SCMH1: variants seen among roughly 807,000 people sequenced by gnomAD.
SCMH1 encodes the protein polycomb protein SCMH1.
In SCMH1, 37 loss-of-function variants were observed where a neutral mutation model predicts 70.8. The ratio of observed to expected loss-of-function variants is 0.52; its 90% CI spans 0.40 to 0.69. The LOEUF is 0.69. Among genes scored for constraint, SCMH1 ranks in the 30% least tolerant of loss-of-function variants. SCMH1 has a pLI of 0.00. For missense variants in SCMH1, 607 were observed against 827.3 expected (o/e 0.73, Z 3.27); for synonymous variants, 292 against 307.4 (o/e 0.95, Z 0.52).
At chr1:41,235,503 G>A (rs1387162000) in intron 1 of SCMH1, among the ~76,000 whole-genome samples, 1 of 147,272 alleles carries the variant, frequency 6.8e-6, no homozygotes, top group African/African-American at 2.5e-5. Flanking sequence ...CCCAGGAAGT[G>A]CAGGTTGCAG....
chr1:41,174,043 G>A (rs1052203630), intron 2 of SCMH1, among the ~76,000 whole-genome samples: 5 of 152,084 alleles, frequency 3.3e-5, no homozygotes, highest in Non-Finnish European at 5.9e-5. Flanking sequence ...TATAATTAAT[G>A]AGAACTTATT....
intron 6 of SCMH1, among the ~76,000 whole-genome samples, chr1:41,121,960 T>C (rs1672055857): frequency 6.6e-6 from 1 of 152,162 alleles, no homozygotes; most frequent in Non-Finnish European, 1.5e-5. Context: ...ACTTAATATA[T>C]GCTAGATCGA....
At chr1:41,077,537 T>G (rs962211476) in intron 8 of SCMH1, among the ~76,000 whole-genome samples, 1 of 152,194 alleles carries the variant, frequency 6.6e-6, no homozygotes, top group Non-Finnish European at 1.5e-5. Context: ...TGATCTCCTC[T>G]TAAAGATATT....
chr1:41,109,920 C>G (rs1284967438), intron 8 of SCMH1, among the ~76,000 whole-genome samples: 1 of 152,178 alleles, frequency 6.6e-6, no homozygotes, highest in African/African-American at 2.4e-5. Flanking sequence ...CAGTGAATTC[C>G]CTAGGCATGA....
intron 5 of SCMH1, among the ~76,000 whole-genome samples, chr1:41,149,859 A>G (rs1572627815): frequency 6.6e-6 from 1 of 152,328 alleles, no homozygotes; most frequent in South Asian, 2.1e-4. Context: ...GAATCCTTTC[A>G]GATAGTTTTT....
At chr1:41,184,340 G>A (rs575070696) in intron 2 of SCMH1, among the ~76,000 whole-genome samples, 2 of 152,184 alleles carry the variant, frequency 1.3e-5, no homozygotes, top group South Asian at 4.1e-4. Flanking sequence ...ATGCCATACA[G>A]GCAAAGAACT....
chr1:41,176,337 C>G (rs189912509), intron 2 of SCMH1, among the ~76,000 whole-genome samples: 1 of 152,102 alleles, frequency 6.6e-6, no homozygotes, highest in Non-Finnish European at 1.5e-5. Context: ...CACAGAAGAC[C>G]GGTGATTTCT....
At chr1:41,237,288 C>G (rs538380317) in intron 1 of SCMH1, among the ~76,000 whole-genome samples, 1 of 152,134 alleles carries the variant, frequency 6.6e-6, no homozygotes, top group East Asian at 1.9e-4. Flanking sequence ...CTTAACCTCA[C>G]GAAGCCTATC....
chr1:41,219,491 C>T (rs1658778019), intron 1 of SCMH1, among the ~76,000 whole-genome samples: 1 of 152,176 alleles, frequency 6.6e-6, no homozygotes, highest in Middle Eastern at 3.2e-3. Flanking sequence ...CTTGTAGAGT[C>T]TGACTCTAAC....
intron 2 of SCMH1, among the ~76,000 whole-genome samples, chr1:41,174,477 G>A (rs1190478906): frequency 5.9e-5 from 9 of 152,102 alleles, no homozygotes; most frequent in Non-Finnish European, 5.9e-5. Flanking sequence ...ATTACTCCAC[G>A]TTGTGATTAG....
At chr1:41,241,406 G>A (rs1488419550) in intron 1 of SCMH1, among the ~76,000 whole-genome samples, 1 of 152,170 alleles carries the variant, frequency 6.6e-6, no homozygotes, top group African/African-American at 2.4e-5. Context: ...TTTCCGGCGG[G>A]GCACTGGGGC....
At position 41,239,116 on chromosome 1, in the gene SCMH1, A is replaced by T. The variant is rs184605626; in HGVS notation, c.-118+2943T>A. On this transcript the variant is annotated intron_variant, in intron 1 of 14. Coordinates refer to ENST00000337495, the Ensembl canonical transcript of SCMH1. ...CACCTTCCAGTGATTAAATAAAAAT[A>T]AAAAAAAAACACCTACTGAATTGAT... Among the ~76,000 whole-genome samples the T allele has an allele frequency of 1.4e-3, 152 of 108,034 alleles. 3 individuals carry two copies. In the East Asian group the frequency reaches 0.026, roughly 19 times the overall value. 70.9% of individuals were successfully genotyped at this position (108,034 alleles called of 152,430 possible). A position where few individuals can be genotyped will look rare whatever the true frequency, so the allele number is the denominator to read the frequency against.
At chr1:41,198,996 A>G (rs1653681259) in intron 1 of SCMH1, among the ~76,000 whole-genome samples, 1 of 152,212 alleles carries the variant, frequency 6.6e-6, no homozygotes, top group Admixed American at 6.5e-5. Context: ...CAAGGTATAA[A>G]ACTGGAATTA....
At position 41,053,883 on chromosome 1, in the gene SCMH1, C is replaced by T. The variant is rs577382540; in HGVS notation, c.1106-4993G>A. 1.7e-4 allele frequency among the ~76,000 whole-genome samples: 25 copies of T among 151,022 alleles called. No individual in the cohort carries two copies. In the East Asian group the frequency reaches 1.8e-3, roughly 11 times the overall value. Reference sequence around the variant, plus strand: ...TTTTTGAGACAGAGTCTTGCTCTGTCGCCCAGGCTGGAGTGCATTGGCGTG... The same window carrying T: ...TTTTTGAGACAGAGTCTTGCTCTGTTGCCCAGGCTGGAGTGCATTGGCGTG... On this transcript the variant is annotated intron_variant, in intron 10 of 14. Coordinates refer to ENST00000337495, the Ensembl canonical transcript of SCMH1.
At chr1:41,074,930 T>C (rs989768058) in intron 9 of SCMH1, among the ~76,000 whole-genome samples, 1 of 152,208 alleles carries the variant, frequency 6.6e-6, no homozygotes, top group African/African-American at 2.4e-5. Flanking sequence ...TGGCACGATC[T>C]CCGCTCACTG....
At chr1:41,167,911 TG>T (rs143400680) in intron 2 of SCMH1, among the ~76,000 whole-genome samples, 109,327 of 128,292 alleles carry the variant, frequency 0.85, 46,835 homozygotes, top group Middle Eastern at 0.9. Context: ...GGCAGTGTTT[TG>T]TTTTTTTTTT....
At chr1:41,189,679 T>C (rs1651188179) in intron 1 of SCMH1, among the ~76,000 whole-genome samples, 1 of 152,160 alleles carries the variant, frequency 6.6e-6, no homozygotes, top group African/African-American at 2.4e-5. Context: ...CTCTTTGGTG[T>C]CCCCCTGCTC....
chr1:41,095,004 C>G (rs1296047037), intron 8 of SCMH1, among the ~76,000 whole-genome samples: 23 of 152,166 alleles, frequency 1.5e-4, no homozygotes, highest in Non-Finnish European at 1.9e-4. Flanking sequence ...CCCATCACCC[C>G]CAAACCCCTG....
At chr1:41,110,038 C>G (rs181502596) in intron 8 of SCMH1, among the ~76,000 whole-genome samples, 3 of 152,186 alleles carry the variant, frequency 2.0e-5, no homozygotes, top group Admixed American at 2.0e-4. Flanking sequence ...CAAGGTACCT[C>G]GCTTCTTGCT....
Sources: allele counts gnomAD v4.1 joint callset (sites outside exome capture counted in the v4.1 genomes callset), GRCh38; gene constraint gnomAD v4.1.1; transcripts MANE v1.5; gene names NCBI Gene and HGNC (gene_info 2026-07-23, HGNC 2026-07-21).